The following GNA13 variants were observed in gnomAD, a reference collection of about 807,000 sequenced individuals.
GNA13 encodes G protein subunit alpha 13, also known as guanine nucleotide-binding protein subunit alpha-13.
GNA13 carries 4 observed loss-of-function variants against 33.5 expected under a neutral mutation model. The observed-to-expected ratio is 0.12, with a 90% confidence interval of 0.06 to 0.27. The LOEUF is 0.27. GNA13 is among the 10% of genes least tolerant of loss of function. The pLI, the probability that GNA13 is intolerant of heterozygous loss-of-function variation, is 1.00. For missense variants in GNA13, 319 were observed against 487.2 expected (o/e 0.65, Z 3.25); for synonymous variants, 176 against 183.8 (o/e 0.96, Z 0.34).
chr17:65,031,772 G>A (rs1488728577), intron 2 of GNA13, among the ~76,000 whole-genome samples: 2 of 151,880 alleles, frequency 1.3e-5, no homozygotes, highest in Admixed American at 1.3e-4. Flanking sequence ...AGTTGGGCAT[G>A]GTGGTGCATG....
At chr17:65,056,239 G>GCCCGGCCCCCCCC in intron 1 of GNA13, 72 bp downstream of exon 1, 12 of 936,158 alleles carry the variant, frequency 1.3e-5, no homozygotes, top group East Asian at 3.2e-5. Flanking sequence ...CCAGGGCGGT[G>GCCCGGCCCCCCCC]CCCCGCCCCG....
chr17:65,052,356 G>A (rs1567829106), intron 2 of GNA13, among the ~76,000 whole-genome samples: 1 of 152,194 alleles, frequency 6.6e-6, no homozygotes, highest in African/African-American at 2.4e-5. Flanking sequence ...GTTTCACCGT[G>A]TTGGCCAGGC....
intron 2 of GNA13, among the ~76,000 whole-genome samples, chr17:65,046,672 T>C (rs868595939): frequency 1.3e-5 from 2 of 152,336 alleles, no homozygotes; most frequent in Middle Eastern, 3.4e-3. Flanking sequence ...CCTTTGGCCA[T>C]TATGCTTTTC....
In GNA13 at chr17:65,034,012, CAAAAAAAAA is replaced by C. The variant is rs780895691; in HGVS notation, c.511-15718_511-15710del. 1.2e-3 allele frequency among the ~76,000 whole-genome samples: 62 copies of C among 50,090 alleles called. 1 individual carries two copies. The East Asian group carries it at 0.03, about 25-fold the overall frequency. The allele number at this position is 50,090 out of a possible 152,430, so 32.9% of individuals were successfully genotyped here. ...TGGGCAACAGAGCAGGACTCCGTCT[CAAAAAAAAA>C]AAAAAAAAAAAAAAAAATCCAAAAG... is the stretch of plus-strand genomic sequence containing the variant. On this transcript the variant is annotated intron_variant, in intron 2 of 3. Coordinates refer to ENST00000439174, the MANE Select transcript of GNA13 (RefSeq NM_006572.6).
chr17:65,044,000 TA>T (rs1293189385), intron 2 of GNA13, among the ~76,000 whole-genome samples: 1 of 152,168 alleles, frequency 6.6e-6, no homozygotes, highest in Non-Finnish European at 1.5e-5. Flanking sequence ...TATGAGCCAG[TA>T]ATCTCAGCTA....
intron 1 of GNA13, chr17:65,055,865 G>T: frequency 3.8e-6 from 2 of 533,292 alleles, no homozygotes; most frequent in Non-Finnish European, 4.8e-6. Flanking sequence ...GGGTCACCCA[G>T]CCAGGGTAGC....
At chr17:65,043,970 A>T (rs1047296493) in intron 2 of GNA13, among the ~76,000 whole-genome samples, 1 of 152,110 alleles carries the variant, frequency 6.6e-6, no homozygotes, top group African/African-American at 2.4e-5. Context: ...AATAACAAAA[A>T]AACTAGCCGG....
At chr17:65,029,279 C>A (rs571305286) in intron 2 of GNA13, among the ~76,000 whole-genome samples, 1 of 152,332 alleles carries the variant, frequency 6.6e-6, no homozygotes, top group East Asian at 1.9e-4. Flanking sequence ...GCTCATCTCC[C>A]CATGCTTCTG....
At chr17:65,021,576 AAAATATTAAAAGGAAAGGAT>A in intron 2 of GNA13, among the ~76,000 whole-genome samples, 1 of 152,344 alleles carries the variant, frequency 6.6e-6, no homozygotes, top group African/African-American at 2.4e-5. Context: ...CTGCACAGCT[AAAATATTAAAAGGAAAGGAT>A]TTAGAATGCA....
Position 65,014,148 on chromosome 17 carries a change from A to T in GNA13, c.*109T>A. ...CTAAGATTTTCAAGAAGTTAAACGTAGAATTAAGATTGTTCTAATTCTGGT... is the reference window on the plus strand; with the variant it reads ...CTAAGATTTTCAAGAAGTTAAACGTTGAATTAAGATTGTTCTAATTCTGGT... On this transcript the variant is annotated 3_prime_UTR_variant, in exon 4 of 4. Coordinates refer to ENST00000439174, the MANE Select transcript of GNA13 (RefSeq NM_006572.6). The surrounding 1 kb of genome is among the most constrained non-coding windows in gnomAD (Gnocchi z 5.3). 1.5e-6 allele frequency: 1 copy of T among 669,082 alleles called. No homozygotes were observed. Among genetic ancestry groups the T allele is most frequent in the Non-Finnish European group, 2.6e-6 (1 of 389,948 alleles). 41.4% of individuals were successfully genotyped at this position (669,082 alleles called of 1,614,324 possible).
Position 65,010,704 on chromosome 17 carries a change from T to C in GNA13, c.*3553A>G, listed in dbSNP as rs1307488667. On this transcript the variant is annotated 3_prime_UTR_variant, in exon 4 of 4. Transcript: ENST00000439174. ...TCAAATAAAACTAAAATAAATGAAA[T>C]GGTAACAGAGTGACTTTCTCTAAAT... is the stretch of plus-strand genomic sequence containing the variant. 1 of 207,344 alleles carries C rather than the reference T, an allele frequency of 4.8e-6. No individual in the cohort carries two copies. Among genetic ancestry groups the C allele is most frequent in the Admixed American group, 5.9e-5 (1 of 16,924 alleles). The allele number at this position is 207,344 out of a possible 1,614,324, so 12.8% of individuals were successfully genotyped here.
intron 1 of GNA13, 67 bp downstream of exon 1, chr17:65,056,244 G>GCCCCCCCCCCCCCCCCCCCCCCCCCCCCC: frequency 9.7e-7 from 1 of 1,032,480 alleles, no homozygotes. Context: ...GCGGTGCCCC[G>GCCCCCCCCCCCCCCCCCCCCCCCCCCCCC]CCCCGCACCC....
chr17:65,053,818 C>A (rs1907943327), intron 1 of GNA13, 90 bp from the exon 2 acceptor site: 9 of 797,610 alleles, frequency 1.1e-5, no homozygotes, highest in Non-Finnish European at 1.2e-5. Context: ...CCTTATACTT[C>A]TGAATTAACC....
intron 3 of GNA13, among the ~76,000 whole-genome samples, chr17:65,015,125 A>G (rs1906317332): frequency 1.3e-5 from 2 of 152,128 alleles, no homozygotes; most frequent in Non-Finnish European, 2.9e-5. Context: ...AAAAGCCAAG[A>G]TACATTAAAA....
intron 2 of GNA13, among the ~76,000 whole-genome samples, chr17:65,020,955 A>T (rs1473712334): frequency 6.6e-6 from 1 of 152,158 alleles, no homozygotes; most frequent in Non-Finnish European, 1.5e-5. Context: ...CCGGCCTGGA[A>T]ATTTTAAAAA....
rs532672804 is a variant in GNA13, at chr17:65,012,028, G to C, written c.*2229C>G. On this transcript the variant is annotated 3_prime_UTR_variant, in exon 4 of 4. Transcript: ENST00000439174. ...ATTCATTGCCTCAAAATATAGTCTA[G>C]ATTTTAAAAGAATGTTGATTCTGAG... 31 of 228,204 alleles carry C rather than the reference G, an allele frequency of 1.4e-4. No homozygotes were observed. The highest frequency in any genetic ancestry group is 6.9e-4 in the African/African-American group (31 of 45,192). 14.1% of individuals were successfully genotyped at this position (228,204 alleles called of 1,614,324 possible).
intron 2 of GNA13, among the ~76,000 whole-genome samples, chr17:65,051,494 A>C (rs149732672): frequency 5.3e-5 from 8 of 152,168 alleles, no homozygotes; most frequent in Non-Finnish European, 8.8e-5. Context: ...GCATGCCTGT[A>C]ATCTCAGCTA....
intron 2 of GNA13, among the ~76,000 whole-genome samples, chr17:65,051,198 T>C (rs1376999917): frequency 6.6e-6 from 1 of 152,232 alleles, no homozygotes; most frequent in African/African-American, 2.4e-5. Context: ...TGTATGCTTA[T>C]TACAGATGAA....
chr17:65,032,374 A>C (rs1319072253), intron 2 of GNA13, among the ~76,000 whole-genome samples: 3 of 152,210 alleles, frequency 2.0e-5, no homozygotes, highest in Non-Finnish European at 2.9e-5. Flanking sequence ...TTCTGCCCAC[A>C]CTATCTGAAA....
Sources: gnomAD v4.1 joint callset for allele counts (sites outside exome capture counted in the v4.1 genomes callset) on GRCh38, gnomAD v4.1.1 for gene constraint, Gnocchi (gnomAD v3.1) non-coding constraint, MANE v1.5 for transcripts, NCBI Gene and HGNC (gene_info 2026-07-23, HGNC 2026-07-21) for gene names.